Variants in ASB15 observed in about 807,000 individuals in gnomAD.
ASB15 encodes ankyrin repeat and SOCS box protein 15.
In ASB15, 54 loss-of-function variants were observed where a neutral mutation model predicts 58.0. The observed-to-expected ratio is 0.93, with a 90% confidence interval of 0.75 to 1.17. The LOEUF (loss-of-function observed/expected upper bound fraction) is 1.17, where lower values mean the gene tolerates loss of function less well. Among genes scored for constraint, ASB15 ranks in the 50% most tolerant of loss-of-function variants. ASB15 has a pLI of 0.00. For missense variants in ASB15, 680 were observed against 707.4 expected (o/e 0.96, Z 0.44); for synonymous variants, 249 against 262.4 (o/e 0.95, Z 0.50).
chr7:123,617,798 A>C, intron 7 of ASB15, 61 bp downstream of exon 7: 5 of 1,479,302 alleles, frequency 3.4e-6, no homozygotes, highest in Non-Finnish European at 3.7e-6. Context: ...TATTTATTGG[A>C]AACCACTGTA....
chr7:123,605,371 G>A (rs1800095708), intron 2 of ASB15, among the ~76,000 whole-genome samples: 1 of 152,242 alleles, frequency 6.6e-6, no homozygotes, highest in Non-Finnish European at 1.5e-5. Context: ...ATGGAGAAAA[G>A]GGAATGCTTA....
chr7:123,604,979 G>A (rs1021056422), intron 2 of ASB15, among the ~76,000 whole-genome samples: 19 of 152,170 alleles, frequency 1.2e-4, no homozygotes, highest in Middle Eastern at 3.4e-3. Flanking sequence ...AGGTTCAACC[G>A]TTATATTCAA....
In ASB15 at chr7:123,624,667, G is replaced by A. The variant is rs1442111257; in HGVS notation, c.550G>A (p.Ala184Thr). 6.2e-7 allele frequency: 1 copy of A among 1,614,172 alleles called. No homozygotes were observed. The highest frequency in any genetic ancestry group is 8.5e-7 in the Non-Finnish European group (1 of 1,180,028). ...CVKRWSAMHE[A>T]AKQGRKDIVA... ...CAAGCGATGGTCAGCAATGCATGAA[G>A]CAGCCAAGCAAGGCCGAAAAGATAT... Residue 184 changes from alanine (A) to threonine (T), a missense_variant, in exon 8 of 12, where the codon GCA becomes ACA. Physicochemically the swap from Ala to Thr is moderately conservative, Grantham distance 58 (BLOSUM62 0). Coordinates refer to ENST00000451215, the MANE Select transcript of ASB15 (RefSeq NM_001290258.2).
Position 123,636,996 on chromosome 7 carries a change from A to C in ASB15, c.*15A>C, listed in dbSNP as rs1308858533. 6.8e-7 allele frequency: 1 copy of C among 1,466,060 alleles called. No homozygotes were observed. The highest frequency in any genetic ancestry group is 9.4e-7 in the Non-Finnish European group (1 of 1,068,822). 90.8% of individuals were successfully genotyped at this position (1,466,060 alleles called of 1,614,324 possible). On this transcript the variant is annotated 3_prime_UTR_variant, in exon 12 of 12. Coordinates refer to ENST00000451215, the MANE Select transcript of ASB15 (RefSeq NM_001290258.2). ...AATTGACATAACTTAATATTTTAAA[A>C]TGTGATTTAAAAAAAATGTTGAAAT...
intron 1 of ASB15, among the ~76,000 whole-genome samples, chr7:123,590,626 G>T (rs893823539): frequency 2.0e-5 from 3 of 152,126 alleles, no homozygotes; most frequent in African/African-American, 7.2e-5. Context: ...AGATCAGATG[G>T]TTATAGATGT....
intron 1 of ASB15, among the ~76,000 whole-genome samples, chr7:123,575,816 CTT>C (rs71531935): frequency 5.8e-5 from 8 of 136,784 alleles, no homozygotes; most frequent in Non-Finnish European, 6.3e-5. Flanking sequence ...ATGAAGTTTT[CTT>C]TTTTTTTTTT....
chr7:123,577,419 A>G (rs1345732837), intron 1 of ASB15, among the ~76,000 whole-genome samples: 1 of 152,198 alleles, frequency 6.6e-6, no homozygotes, highest in Non-Finnish European at 1.5e-5. Context: ...CTGTTAGAAT[A>G]TAACAATCAC....
intron 2 of ASB15, among the ~76,000 whole-genome samples, chr7:123,608,383 A>G (rs1282593663): frequency 6.6e-6 from 1 of 152,204 alleles, no homozygotes; most frequent in Non-Finnish European, 1.5e-5. Context: ...CCCATGCCAG[A>G]TATCATGTTT....
Position 123,581,414 on chromosome 7 carries a change from TA to T in ASB15, c.-443+14344del, listed in dbSNP as rs10642389. 9.7e-3 allele frequency among the ~76,000 whole-genome samples: 1,202 copies of T among 124,386 alleles called. 14 individuals are homozygous for T. Among genetic ancestry groups the T allele is most frequent in the South Asian group, 0.046 (172 of 3,770 alleles). 81.6% of individuals were successfully genotyped at this position (124,386 alleles called of 152,430 possible). On this transcript the variant is annotated intron_variant, in intron 1 of 13. Coordinates refer to the ASB15 transcript ENST00000451558. The stretch of plus-strand genomic sequence containing the variant: ...AAACATGATCATTCAAGTGAGCACT[TA>T]AAAAAAAAAAAAAAAAAGGTACTCT...
chr7:123,628,559 T>C (rs919661608), intron 9 of ASB15, among the ~76,000 whole-genome samples: 2 of 152,226 alleles, frequency 1.3e-5, no homozygotes, highest in Non-Finnish European at 2.9e-5. Context: ...GTAAATATTA[T>C]ATTGTTCAGA....
At position 123,637,011 on chromosome 7, in the gene ASB15, A is replaced by T. The variant is rs983070124; in HGVS notation, c.*30A>T. Reference sequence around the variant, plus strand: ...ATATTTTAAAATGTGATTTAAAAAAAATGTTGAAATGTGATTCCCTCAGAT... The same window carrying T: ...ATATTTTAAAATGTGATTTAAAAAATATGTTGAAATGTGATTCCCTCAGAT... On this transcript the variant is annotated 3_prime_UTR_variant, in exon 12 of 12. Transcript: ENST00000451215. The T allele has an allele frequency of 2.1e-6, 3 of 1,400,002 alleles. No homozygotes were observed. The African/African-American group carries it at 4.4e-5, about 20-fold the overall frequency. The allele number at this position is 1,400,002 out of a possible 1,614,324, so 86.7% of individuals were successfully genotyped here.
intron 1 of ASB15, among the ~76,000 whole-genome samples, chr7:123,571,809 A>G (rs1434751987): frequency 6.6e-6 from 1 of 152,166 alleles, no homozygotes; most frequent in Non-Finnish European, 1.5e-5. Flanking sequence ...TTGTTTCCCA[A>G]GCTGGAGTGC....
intron 1 of ASB15, chr7:123,596,447 G>GA (rs1187835551): frequency 6.6e-6 from 1 of 151,322 alleles, no homozygotes; most frequent in East Asian, 1.9e-4. Context: ...CTCTACAAAA[G>GA]AAATAAAAAA....
intron 1 of ASB15, among the ~76,000 whole-genome samples, chr7:123,595,999 C>A (rs1202768170): frequency 2.0e-5 from 3 of 152,092 alleles, no homozygotes; most frequent in African/African-American, 4.8e-5. Flanking sequence ...CATTTTAAAT[C>A]TTGAAATCAA....
intron 3 of ASB15, among the ~76,000 whole-genome samples, chr7:123,610,471 C>A (rs1285919537): frequency 6.6e-6 from 1 of 152,174 alleles, no homozygotes; most frequent in East Asian, 1.9e-4. Context: ...AAGGATTTAA[C>A]ATAGCCTATC....
At chr7:123,601,252 T>C (rs922291214), upstream of ASB15, among the ~76,000 whole-genome samples, 6 of 152,218 alleles carry the variant, frequency 3.9e-5, no homozygotes, top group Admixed American at 3.9e-4. Context: ...TTTTGCTTGT[T>C]TTATTAATAC....
chr7:123,602,140 A>T (rs1419967217), intron 1 of ASB15, among the ~76,000 whole-genome samples: 1 of 152,186 alleles, frequency 6.6e-6, no homozygotes, highest in Non-Finnish European at 1.5e-5. Context: ...ATTACTAAGC[A>T]TAAAAAATTG....
intron 3 of ASB15, among the ~76,000 whole-genome samples, chr7:123,610,843 T>G (rs1284535934): frequency 6.6e-6 from 1 of 152,058 alleles, no homozygotes; most frequent in Admixed American, 6.6e-5. Context: ...AAATTATTAT[T>G]AAGAGTCAGT....
chr7:123,572,171 C>T (rs1218136916), intron 1 of ASB15, among the ~76,000 whole-genome samples: 26 of 101,358 alleles, frequency 2.6e-4, no homozygotes, highest in Non-Finnish European at 3.5e-4. Context: ...GAGACAGAGT[C>T]TCACTCTGTC....
Sources: allele counts gnomAD v4.1 joint callset (sites outside exome capture counted in the v4.1 genomes callset), GRCh38; gene constraint gnomAD v4.1.1; transcripts MANE v1.5; gene names NCBI Gene and HGNC (gene_info 2026-07-23, HGNC 2026-07-21).